The following NRXN1 variants were observed in gnomAD, a reference collection of about 807,000 sequenced individuals.
The protein encoded by NRXN1 is neurexin-1.
Under a neutral mutation model 150.9 loss-of-function variants are expected in NRXN1, and 39 were observed. The observed-to-expected ratio is 0.26, with a 90% CI of 0.20 to 0.34. The LOEUF (loss-of-function observed/expected upper bound fraction) is 0.34, where lower values mean the gene tolerates loss of function less well. NRXN1 is among the 10% of genes least tolerant of loss of function. The pLI is 1.00. For missense variants in NRXN1, 1,815 were observed against 1,949.9 expected (o/e 0.93, Z 1.30); for synonymous variants, 924 against 757.0 (o/e 1.22, Z -3.62).
chr2:50,358,960 C>G (rs2079005690), intron 17 of NRXN1, among the ~76,000 whole-genome samples: 1 of 152,180 alleles, frequency 6.6e-6, no homozygotes, highest in African/African-American at 2.4e-5. Flanking sequence ...GCGGACCCCC[C>G]AGCAAACTCC....
At chr2:50,859,483 A>G (rs1675782791) in intron 5 of NRXN1, among the ~76,000 whole-genome samples, 1 of 152,140 alleles carries the variant, frequency 6.6e-6, no homozygotes, top group Non-Finnish European at 1.5e-5. Context: ...TCAGAATGAA[A>G]TGATTATTCA....
chr2:50,142,883 G>C (rs1287648164), intron 18 of NRXN1, among the ~76,000 whole-genome samples: 1 of 151,888 alleles, frequency 6.6e-6, no homozygotes, highest in Non-Finnish European at 1.5e-5. Context: ...CCCAGGCATA[G>C]AACCTACAAA....
At chr2:50,320,327 T>G (rs1466680096) in intron 17 of NRXN1, among the ~76,000 whole-genome samples, 3 of 123,626 alleles carry the variant, frequency 2.4e-5, no homozygotes, top group Non-Finnish European at 3.5e-5. Flanking sequence ...TATATATATA[T>G]AGTATATGAT....
At chr2:50,529,469 C>G (rs2093041592) in intron 11 of NRXN1, among the ~76,000 whole-genome samples, 1 of 152,126 alleles carries the variant, frequency 6.6e-6, no homozygotes, top group South Asian at 2.1e-4. Context: ...ATGGGTAACA[C>G]AAACTGTAAT....
intron 14 of NRXN1, 121 bp downstream of exon 14, chr2:50,497,212 T>C (rs1382925915): frequency 3.2e-6 from 2 of 620,202 alleles, no homozygotes; most frequent in Non-Finnish European, 5.0e-6. Flanking sequence ...TTATTTGTCC[T>C]CCACCTGCTC....
At chr2:50,188,028 GA>G (rs1559055249) in intron 18 of NRXN1, among the ~76,000 whole-genome samples, 4 of 152,074 alleles carry the variant, frequency 2.6e-5, no homozygotes. Context: ...TGCAAACAGA[GA>G]AAATTTGACT....
At position 50,073,207 on chromosome 2, in the gene NRXN1, C is replaced by G. The variant is rs576162755; in HGVS notation, c.3718+18116G>C. On this transcript the variant is annotated intron_variant, in intron 19 of 22. Transcript: ENST00000401669. ...CATTTGCAGACATTTATTCTGGCCC[C>G]TTTAGACTATTCCCTGCACTTTAGC... 7.9e-5 allele frequency among the ~76,000 whole-genome samples: 12 copies of G among 152,260 alleles called. No homozygotes were observed. The South Asian group carries it at 2.5e-3, about 32-fold the overall frequency.
intron 5 of NRXN1, among the ~76,000 whole-genome samples, chr2:50,903,389 T>G (rs1357715279): frequency 6.6e-6 from 1 of 152,172 alleles, no homozygotes; most frequent in African/African-American, 2.4e-5. Context: ...ATGGTTCAAA[T>G]AAAGCTTTGC....
At chr2:50,936,817 T>C (rs1311366314) in intron 2 of NRXN1, among the ~76,000 whole-genome samples, 2 of 152,072 alleles carry the variant, frequency 1.3e-5, no homozygotes, top group South Asian at 4.1e-4. Context: ...GAGAATTAAA[T>C]CAATCACTTG....
At chr2:50,500,576 G>C (rs180939973) in intron 13 of NRXN1, among the ~76,000 whole-genome samples, 20 of 152,206 alleles carry the variant, frequency 1.3e-4, no homozygotes, top group African/African-American at 3.6e-4. Context: ...ATAAGACTTC[G>C]AAGGGGAAAG....
At chr2:50,788,106 T>C (rs1705390603) in intron 5 of NRXN1, among the ~76,000 whole-genome samples, 1 of 151,846 alleles carries the variant, frequency 6.6e-6, no homozygotes, top group African/African-American at 2.4e-5. Flanking sequence ...ACCTTTTTTT[T>C]TTTTGAGACT....
chr2:50,220,012 A>G (rs1346564173), intron 18 of NRXN1, among the ~76,000 whole-genome samples: 1 of 111,376 alleles, frequency 9.0e-6, no homozygotes, highest in Admixed American at 1.1e-4. Flanking sequence ...TATATAATAT[A>G]TTATATATAT....
At chr2:51,027,438 C>G in intron 2 of NRXN1, 64 bp downstream of exon 2, 2 of 1,451,106 alleles carry the variant, frequency 1.4e-6, no homozygotes, top group Non-Finnish European at 1.8e-6. Flanking sequence ...TGCACCAGCC[C>G]GGTCCCCTCC....
chr2:50,730,171 C>T (rs1463512189), intron 5 of NRXN1, among the ~76,000 whole-genome samples: 1 of 152,112 alleles, frequency 6.6e-6, no homozygotes, highest in African/African-American at 2.4e-5. Flanking sequence ...AGAAGATGAT[C>T]TTGCCAGTGT....
chr2:50,406,052 T>C (rs13407780), intron 17 of NRXN1, among the ~76,000 whole-genome samples: 43,775 of 152,008 alleles, frequency 0.29, 7,730 homozygotes, highest in African/African-American at 0.48. Flanking sequence ...GTTTAGGTAG[T>C]TGAGCTCCAG....
At chr2:50,846,788 C>T (rs753926364) in intron 5 of NRXN1, among the ~76,000 whole-genome samples, 1 of 152,130 alleles carries the variant, frequency 6.6e-6, no homozygotes, top group Non-Finnish European at 1.5e-5. Flanking sequence ...TCCTTTGGTT[C>T]ATGGCCAAGC....
At chr2:50,439,765 C>T (rs1166545696) in intron 17 of NRXN1, among the ~76,000 whole-genome samples, 4 of 150,102 alleles carry the variant, frequency 2.7e-5, no homozygotes, top group African/African-American at 4.9e-5. Flanking sequence ...TGCAGTGAAC[C>T]GAAATTGTGC....
Position 50,347,206 on chromosome 2 carries a change from C to G in NRXN1, c.3365-110236G>C. The G allele has an allele frequency of 7.4e-7, 1 of 1,344,710 alleles. No individual in the cohort carries two copies. The highest frequency in any genetic ancestry group is 1.2e-5 in the South Asian group (1 of 81,518). 83.3% of individuals were successfully genotyped at this position (1,344,710 alleles called of 1,614,324 possible). A position where few individuals can be genotyped will look rare whatever the true frequency, so the allele number is the denominator to read the frequency against. On this transcript the variant is annotated intron_variant, in intron 17 of 22. Coordinates refer to ENST00000401669, the MANE Select transcript of NRXN1 (RefSeq NM_001330078.2). The surrounding 1 kb of genome is among the most constrained non-coding windows in gnomAD (Gnocchi z 4.9). ...AGGGGCTTGTCCGGAAAGGCAGCCC[C>G]GGGAACAGCAAGCGCGGAGCGGGTG...
At chr2:50,054,661 G>A (rs1215485415) in intron 20 of NRXN1, among the ~76,000 whole-genome samples, 1 of 152,026 alleles carries the variant, frequency 6.6e-6, no homozygotes, top group African/African-American at 2.4e-5. Flanking sequence ...ATCATTTTGG[G>A]TTAATGCTTG....
Sources: gnomAD v4.1 joint callset for allele counts (sites outside exome capture counted in the v4.1 genomes callset) on GRCh38, gnomAD v4.1.1 for gene constraint, Gnocchi (gnomAD v3.1) non-coding constraint, MANE v1.5 for transcripts, NCBI Gene and HGNC (gene_info 2026-07-23, HGNC 2026-07-21) for gene names.